Variants in GLIS1 observed in about 807,000 individuals in gnomAD.
GLIS1 encodes GLIS family zinc finger 1, also known as zinc finger protein GLIS1.
GLIS1 carries 24 observed loss-of-function variants against 63.8 expected under a neutral mutation model. The ratio of observed to expected loss-of-function variants is 0.38; its 90% confidence interval spans 0.27 to 0.53. GLIS1 has a LOEUF of 0.53. GLIS1 is among the 20% of genes least tolerant of loss of function. GLIS1 has a pLI of 0.85. For missense variants in GLIS1, 1,036 were observed against 1,074.1 expected, an observed-to-expected ratio of 0.96 and a Z score of 0.50; for synonymous variants, 450 against 482.5, an observed-to-expected ratio of 0.93 and a Z score of 0.88.
At chr1:53,519,675 A>C (rs894225911) in intron 7 of GLIS1, among the ~76,000 whole-genome samples, 4 of 152,196 alleles carry the variant, frequency 2.6e-5, no homozygotes, top group African/African-American at 9.7e-5. Flanking sequence ...TGGGAGGGAC[A>C]GACAAGCCAC....
intron 2 of GLIS1, among the ~76,000 whole-genome samples, chr1:53,689,387 C>G (rs1268460238): frequency 6.6e-6 from 1 of 152,164 alleles, no homozygotes; most frequent in Non-Finnish European, 1.5e-5. Context: ...CCTGGCTGGG[C>G]TCTGGTTCCA....
At chr1:53,641,422 C>A (rs939738354) in intron 2 of GLIS1, among the ~76,000 whole-genome samples, 2 of 152,190 alleles carry the variant, frequency 1.3e-5, no homozygotes, top group Non-Finnish European at 2.9e-5. Context: ...GGAGCTCCAG[C>A]AGTCTGGGGA....
At chr1:53,699,279 G>A (rs902494760) in intron 2 of GLIS1, among the ~76,000 whole-genome samples, 1 of 152,048 alleles carries the variant, frequency 6.6e-6, no homozygotes, top group Non-Finnish European at 1.5e-5. Context: ...GGCCAGGCTG[G>A]TATCGAACTC....
At chr1:53,515,512 C>G (rs1644343607) in intron 7 of GLIS1, among the ~76,000 whole-genome samples, 1 of 152,064 alleles carries the variant, frequency 6.6e-6, no homozygotes, top group Non-Finnish European at 1.5e-5. Flanking sequence ...CAGCCTCATT[C>G]TAGTCTCAGA....
rs961691172 is a variant in GLIS1, at chr1:53,539,148, C to T, written c.1321-9196G>A. Among the ~76,000 whole-genome samples the T allele has an allele frequency of 2.0e-5, 3 of 151,994 alleles. No individual in the cohort carries two copies. Among genetic ancestry groups the T allele is most frequent in the South Asian group, 2.1e-4 (1 of 4,808 alleles). On this transcript the variant is annotated intron_variant, in intron 4 of 10. Transcript: ENST00000628545. The surrounding 1 kb of genome is among the most constrained non-coding windows in gnomAD (Gnocchi z 5.0). ...AAGCCACCAGCCACAGGCCCAGAAA[C>T]GTGGACACTCACACACTCTGATGTG...
At chr1:53,588,091 C>A (rs1645153766) in intron 4 of GLIS1, among the ~76,000 whole-genome samples, 1 of 152,152 alleles carries the variant, frequency 6.6e-6, no homozygotes, top group South Asian at 2.1e-4. Flanking sequence ...CGTGGAAGCA[C>A]TACATAAACT....
intron 2 of GLIS1, among the ~76,000 whole-genome samples, chr1:53,669,175 C>T (rs1646126069): frequency 6.6e-6 from 1 of 152,206 alleles, no homozygotes; most frequent in South Asian, 2.1e-4. Context: ...AGTCCCTGAA[C>T]ATGTCCTCTG....
intron 2 of GLIS1, among the ~76,000 whole-genome samples, chr1:53,626,412 C>T (rs1645594382): frequency 6.6e-6 from 1 of 152,214 alleles, no homozygotes; most frequent in African/African-American, 2.4e-5. Context: ...GCTCCAAACC[C>T]TCTTCTGTGG....
intron 4 of GLIS1, among the ~76,000 whole-genome samples, chr1:53,548,707 G>C (rs1261561135): frequency 1.3e-5 from 2 of 152,214 alleles, no homozygotes; most frequent in Non-Finnish European, 2.9e-5. Context: ...CTGACATTAT[G>C]CTTGCATCTG....
chr1:53,531,247 A>G (rs1383147612), intron 4 of GLIS1, among the ~76,000 whole-genome samples: 1 of 152,188 alleles, frequency 6.6e-6, no homozygotes, highest in Admixed American at 6.5e-5. Flanking sequence ...GCCAACCATG[A>G]GCACCTAACC....
intron 2 of GLIS1, among the ~76,000 whole-genome samples, chr1:53,649,037 T>C (rs889281393): frequency 3.9e-5 from 6 of 152,216 alleles, no homozygotes; most frequent in African/African-American, 1.4e-4. Context: ...TTTTTTTCAA[T>C]AAATATATTA....
At chr1:53,657,323 C>G (rs1645977394) in intron 2 of GLIS1, among the ~76,000 whole-genome samples, 1 of 152,186 alleles carries the variant, frequency 6.6e-6, no homozygotes, top group African/African-American at 2.4e-5. Context: ...CCTGTATATT[C>G]CACCACCCAA....
At chr1:53,632,871 T>TGA (rs1645676353) in intron 2 of GLIS1, among the ~76,000 whole-genome samples, 1 of 144,278 alleles carries the variant, frequency 6.9e-6, no homozygotes, top group Non-Finnish European at 1.5e-5. Context: ...GAGGCATGTG[T>TGA]ATGAGTGTGA....
At chr1:53,545,976 C>T (rs1644694264) in intron 4 of GLIS1, among the ~76,000 whole-genome samples, 1 of 152,210 alleles carries the variant, frequency 6.6e-6, no homozygotes, top group African/African-American at 2.4e-5. Context: ...ACAGGGACAA[C>T]ACGATGGCTT....
At chr1:53,588,388 T>C (rs1332424809) in intron 4 of GLIS1, among the ~76,000 whole-genome samples, 2 of 152,202 alleles carry the variant, frequency 1.3e-5, no homozygotes, top group Admixed American at 1.3e-4. Context: ...AGGGTCACTT[T>C]CCCACAGCCT....
intron 7 of GLIS1, among the ~76,000 whole-genome samples, chr1:53,517,219 A>C (rs1644361554): frequency 6.6e-6 from 1 of 151,986 alleles, no homozygotes; most frequent in Admixed American, 6.5e-5. Flanking sequence ...TGGTCTGGAT[A>C]CCCAGCTGAG....
intron 2 of GLIS1, among the ~76,000 whole-genome samples, chr1:53,659,736 T>G (rs1293173054): frequency 6.6e-6 from 1 of 152,164 alleles, no homozygotes; most frequent in East Asian, 1.9e-4. Context: ...GGTGCCACCC[T>G]GGGAAAGCTG....
chr1:53,524,896 T>A lies in GLIS1; in HGVS notation c.1483-9A>T, dbSNP rs972599178. ...TGACAGGCGTACGGCTTCTGTAACA[T>A]GGGGGGCACGGGTGGGGTGAGTGAG... On this transcript the variant is annotated splice_polypyrimidine_tract_variant and intron_variant, in intron 5 of 10. Coordinates refer to ENST00000628545, the MANE Select transcript of GLIS1 (RefSeq NM_001367484.1). The A allele has an allele frequency of 6.4e-7, 1 of 1,572,204 alleles. No homozygotes were observed. Among genetic ancestry groups the A allele is most frequent in the African/African-American group, 1.3e-5 (1 of 74,554 alleles).
intron 2 of GLIS1, among the ~76,000 whole-genome samples, chr1:53,661,624 G>A (rs1646029597): frequency 6.6e-6 from 1 of 152,116 alleles, no homozygotes; most frequent in Admixed American, 6.5e-5. Flanking sequence ...ATTCGAGGAG[G>A]CCTAGAAAGG....
Sources: gnomAD v4.1 joint callset for allele counts (sites outside exome capture counted in the v4.1 genomes callset) on GRCh38, gnomAD v4.1.1 for gene constraint, Gnocchi (gnomAD v3.1) non-coding constraint, MANE v1.5 for transcripts, NCBI Gene and HGNC (gene_info 2026-07-23, HGNC 2026-07-21) for gene names.